Variants in FAM117A observed in about 807,000 individuals in gnomAD.
FAM117A encodes family with sequence similarity 117 member A.
In FAM117A, 21 loss-of-function variants were observed where a neutral mutation model predicts 44.1. The ratio of observed to expected loss-of-function variants is 0.48; its 90% confidence interval spans 0.34 to 0.69. The LOEUF (loss-of-function observed/expected upper bound fraction) is 0.69. Among genes scored for constraint, FAM117A ranks in the 30% least tolerant of loss-of-function variants. The pLI, the probability that FAM117A is intolerant of heterozygous loss-of-function variation, is 0.01. For synonymous variants in FAM117A, 220 were observed against 238.3 expected, an observed-to-expected ratio of 0.92 and a Z score of 0.71; for missense variants, 498 against 589.9, an observed-to-expected ratio of 0.84 and a Z score of 1.61.
intron 7 of FAM117A, among the ~76,000 whole-genome samples, chr17:49,715,576 C>T (rs996869065): frequency 2.6e-5 from 4 of 152,212 alleles, no homozygotes; most frequent in African/African-American, 9.6e-5. Context: ...AGAATGGCTT[C>T]TGAACGATCC....
In FAM117A at chr17:49,720,336, C is replaced by G. The variant is rs1187569602; in HGVS notation, c.563G>C (p.Gly188Ala). 6.2e-7 allele frequency: 1 copy of G among 1,612,848 alleles called. No individual in the cohort carries two copies. Among genetic ancestry groups the G allele is most frequent in the South Asian group, 1.1e-5 (1 of 91,064 alleles). The change falls in exon 4 of 8, where the codon GGA (glycine) becomes GCA (alanine). Residue 188 changes from glycine (G) to alanine (A), a missense_variant. By Grantham distance (60) the Gly-to-Ala change is moderately conservative (BLOSUM62 0). Around this residue, in one of 3 missense-constraint regions of FAM117A, gnomAD observed 270 missense variants for 277.4 expected, o/e 0.97. Transcript: ENST00000240364. ...SPLLGDHAVR[G>A]ALRASPPSFP... ...GGGGAGAAAACATACCCTCAGTGCT[C>G]CCCGCACTGCGTGGTCCCCTAGGAG...
rs1327203614 is a variant in FAM117A at position 49,740,658 on chromosome 17, TTCTC to T, written c.197-7942_197-7939del. Among the ~76,000 whole-genome samples, 15 of 152,250 alleles carry T rather than the reference TTCTC, an allele frequency of 9.9e-5. No individual in the cohort carries two copies. In the East Asian group the frequency reaches 1.2e-3, roughly 12 times the overall value. ...TTGAAGTGAGCAAGGCTGATGCAAA[TTCTC>T]TCTAAGTGCCAGGCTACCAGGCAAG... On this transcript the variant is annotated intron_variant, in intron 1 of 7. Coordinates refer to ENST00000240364, the MANE Select transcript of FAM117A (RefSeq NM_030802.4).
intron 1 of FAM117A, among the ~76,000 whole-genome samples, chr17:49,757,726 A>G (rs1008487817): frequency 6.6e-6 from 1 of 152,218 alleles, no homozygotes; most frequent in African/African-American, 2.4e-5. Context: ...TTTTGACCTA[A>G]TAATGTGAGT....
At chr17:49,786,036 A>T (rs1044244807) in intron 1 of FAM117A, among the ~76,000 whole-genome samples, 5 of 152,064 alleles carry the variant, frequency 3.3e-5, no homozygotes, top group Admixed American at 6.5e-5. Context: ...TTGGTTTTTT[A>T]AAAAAAGAAG....
intron 5 of FAM117A, 185 bp from the exon 6 acceptor site, chr17:49,717,899 G>A (rs2073512775): frequency 1.9e-6 from 1 of 537,708 alleles, no homozygotes; most frequent in South Asian, 2.8e-5. Context: ...ACTCCCTCCT[G>A]TTTCTTCCAT....
chr17:49,722,992 T>A (rs888283629), intron 2 of FAM117A, among the ~76,000 whole-genome samples: 12 of 152,144 alleles, frequency 7.9e-5, no homozygotes, highest in Non-Finnish European at 1.8e-4. Context: ...CCTCTACATG[T>A]GTAGCACAGG....
At chr17:49,764,345 T>C (rs2073737471), upstream of FAM117A, among the ~76,000 whole-genome samples, 1 of 152,052 alleles carries the variant, frequency 6.6e-6, no homozygotes, top group Non-Finnish European at 1.5e-5. Context: ...TTTTCCAACA[T>C]CCCAGGGGCT....
intron 2 of FAM117A, among the ~76,000 whole-genome samples, chr17:49,725,395 G>A (rs528511140): frequency 2.6e-5 from 4 of 152,238 alleles, no homozygotes; most frequent in East Asian, 3.9e-4. Flanking sequence ...TACTTGTCCC[G>A]TCTGAGTTTA....
In FAM117A at chr17:49,716,272, TG is replaced by T; in HGVS notation, c.953del (p.Pro318HisfsTer46). 1 of 1,609,436 alleles carries T rather than the reference TG, an allele frequency of 6.2e-7. No homozygotes were observed. On this transcript the variant is annotated frameshift_variant, in exon 7 of 8. Coordinates refer to ENST00000240364, the MANE Select transcript of FAM117A (RefSeq NM_030802.4). LOFTEE classifies it high-confidence loss of function. ...AGGCAGCAAAGGCAAGGACTGGAGATGGGCTGCCATCTTCAAGAAAGGCTGG... is the reference window on the plus strand; with the variant it reads ...AGGCAGCAAAGGCAAGGACTGGAGATGGCTGCCATCTTCAAGAAAGGCTGG... ...GHPAFLEDGS[P>X]SPVLAFAASP...
chr17:49,767,259 T>G (rs2073748194), upstream of FAM117A, among the ~76,000 whole-genome samples: 2 of 152,238 alleles, frequency 1.3e-5, no homozygotes, highest in Non-Finnish European at 2.9e-5. Context: ...TTGGGGAGGC[T>G]GTGCACTGCT....
At chr17:49,777,006 G>A (rs1157026713) in intron 1 of FAM117A, among the ~76,000 whole-genome samples, 2 of 152,246 alleles carry the variant, frequency 1.3e-5, no homozygotes, top group Non-Finnish European at 2.9e-5. Flanking sequence ...AGCCAAATAA[G>A]GGGAATTCTT....
chr17:49,724,750 G>C (rs2073551735), intron 2 of FAM117A, among the ~76,000 whole-genome samples: 1 of 150,550 alleles, frequency 6.6e-6, no homozygotes, highest in Non-Finnish European at 1.5e-5. Flanking sequence ...GAACTCAAGA[G>C]GTAGAGGTTG....
chr17:49,783,347 AG>A (rs937445349), intron 1 of FAM117A, among the ~76,000 whole-genome samples: 4 of 152,156 alleles, frequency 2.6e-5, no homozygotes, highest in East Asian at 3.9e-4. Flanking sequence ...AAGTGGAGGA[AG>A]GGGGGGAGAT....
chr17:49,764,379 G>A (rs1259593583), upstream of FAM117A, among the ~76,000 whole-genome samples: 4 of 152,180 alleles, frequency 2.6e-5, no homozygotes, highest in Non-Finnish European at 5.9e-5. Context: ...TACAGAAGAG[G>A]GCTGGTTCTC....
rs369202765 is a variant in FAM117A at position 49,740,395 on chromosome 17, G to T, written c.197-7675C>A. 2.0e-5 allele frequency among the ~76,000 whole-genome samples: 3 copies of T among 152,070 alleles called. No homozygotes were observed. In the East Asian group the frequency reaches 5.8e-4, roughly 29 times the overall value. On this transcript the variant is annotated intron_variant, in intron 1 of 7. Coordinates refer to ENST00000240364, the MANE Select transcript of FAM117A (RefSeq NM_030802.4). ...CTCCCGAGTAGCTGGGACTACAGGC[G>T]CCCACCACCGCGCCCGGCTAATTTT...
chr17:49,779,922 T>C (rs1283747313), intron 1 of FAM117A, among the ~76,000 whole-genome samples: 3 of 152,232 alleles, frequency 2.0e-5, no homozygotes, highest in South Asian at 2.1e-4. Flanking sequence ...TGACTGGATG[T>C]CCACTCATCC....
intron 7 of FAM117A, among the ~76,000 whole-genome samples, chr17:49,713,871 A>G (rs1238497480): frequency 2.0e-5 from 3 of 152,160 alleles, no homozygotes; most frequent in African/African-American, 7.2e-5. Context: ...TGTGAAGAGA[A>G]GAGCAGAGAC....
intron 1 of FAM117A, among the ~76,000 whole-genome samples, chr17:49,740,052 G>C (rs1395419983): frequency 1.3e-5 from 2 of 152,188 alleles, no homozygotes; most frequent in African/African-American, 4.8e-5. Flanking sequence ...AGAGCCACTT[G>C]GTCCTGTCTC....
At chr17:49,764,133 GC>G (rs762326118), upstream of FAM117A, 7 of 1,002,780 alleles carry the variant, frequency 7.0e-6, no homozygotes, top group East Asian at 3.2e-5. Flanking sequence ...GACTCACACA[GC>G]CCCCCAACCC....
Sources: gnomAD v4.1 joint callset for allele counts (sites outside exome capture counted in the v4.1 genomes callset) on GRCh38, gnomAD v4.1.1 for gene constraint, gnomAD v4.1.1 regional missense constraint, MANE v1.5 for transcripts, NCBI Gene and HGNC (gene_info 2026-07-23, HGNC 2026-07-21) for gene names.